The following PTH1R variants were observed in gnomAD, a reference collection of about 807,000 sequenced individuals.
The protein encoded by PTH1R is parathyroid hormone 1 receptor, also known as parathyroid hormone/parathyroid hormone-related peptide receptor.
A neutral mutation model predicts 70.7 loss-of-function variants in PTH1R; 32 were observed. That is an observed-to-expected ratio of 0.45 (90% confidence interval 0.34 to 0.61). The LOEUF is 0.61. Ranked by LOEUF, PTH1R falls within the 20% of genes least tolerant of loss-of-function variation. PTH1R has a pLI of 0.01. For missense variants in PTH1R, 626 were observed against 792.5 expected (o/e 0.79, Z 2.52); for synonymous variants, 329 against 324.8 (o/e 1.01, Z -0.14).
intron 5 of PTH1R, 87 bp from the exon 6 acceptor site, chr3:46,897,768 A>G: frequency 3.3e-6 from 4 of 1,215,874 alleles, no homozygotes; most frequent in Non-Finnish European, 3.6e-6. Flanking sequence ...AAACAAACAA[A>G]CCACAGATGT....
Position 46,882,955 on chromosome 3 carries a change from C to G in PTH1R, c.-48-557C>G, listed in dbSNP as rs913326328. On this transcript the variant is annotated intron_variant, in intron 2 of 15. Coordinates refer to ENST00000449590, the MANE Select transcript of PTH1R (RefSeq NM_000316.3). The surrounding 1 kb of genome is among the most constrained non-coding windows in gnomAD (Gnocchi z 4.3). The stretch of plus-strand genomic sequence containing the variant: ...GTGTGGCTGCAAAGTTGAGATCGCA[C>G]CCCCTAACTGCACGCCCCGCGCGGC... 6.6e-6 allele frequency among the ~76,000 whole-genome samples: 1 copy of G among 151,716 alleles called. No individual in the cohort carries two copies. The highest frequency in any genetic ancestry group is 2.4e-5 in the African/African-American group (1 of 41,306).
In PTH1R at chr3:46,902,605, G is replaced by A. The variant is rs770210358; in HGVS notation, c.1291G>A (p.Glu431Lys). 1.9e-6 allele frequency: 3 copies of A among 1,613,758 alleles called. No individual in the cohort carries two copies. The highest frequency in any genetic ancestry group is 1.7e-5 in the Admixed American group (1 of 60,000). The change falls in exon 14 of 16, where the codon GAG (glutamate) becomes AAG (lysine). Residue 431 changes from glutamate to lysine, a missense_variant. Physicochemically the swap from Glu to Lys is moderately conservative, Grantham distance 56. This residue lies in a region of PTH1R where 495 missense variants were observed against 638.7 expected (regional missense o/e 0.77). Coordinates refer to ENST00000449590, the MANE Select transcript of PTH1R (RefSeq NM_000316.3). This position sits in a 1 kb window ranked among gnomAD's most constrained non-coding sequence, Gnocchi z 5.4. ...YIVFMATPYT[E>K]VSGTLWQVQM... ...TGTCTTCATGGCCACACCATACACC[G>A]AGGTCTCAGGGACGCTCTGGCAAGT...
At position 46,897,794 on chromosome 3, in the gene PTH1R, T is replaced by C. The variant is rs2031839124; in HGVS notation, c.314-61T>C. 1.7e-5 allele frequency: 24 copies of C among 1,394,872 alleles called. No individual in the cohort carries two copies. In the South Asian group the frequency reaches 2.1e-4, roughly 12 times the overall value. The allele number at this position is 1,394,872 out of a possible 1,614,324, so 86.4% of individuals were successfully genotyped here. A position where few individuals can be genotyped will look rare whatever the true frequency, so the allele number is the denominator to read the frequency against. On this transcript the variant is annotated intron_variant, in intron 5 of 15. Transcript: ENST00000449590. ...CCACAGATGTATTCATCCTTCTGGGTCACTAATCATGGCCTTGACTCTCCC... is the reference window on the plus strand; with the variant it reads ...CCACAGATGTATTCATCCTTCTGGGCCACTAATCATGGCCTTGACTCTCCC...
In PTH1R at chr3:46,881,562, T is replaced by C. The variant is rs958695681; in HGVS notation, c.-49+444T>C. Among the ~76,000 whole-genome samples, 32 of 152,002 alleles carry C rather than the reference T, an allele frequency of 2.1e-4. No homozygotes were observed. The East Asian group carries it at 5.8e-3, about 28-fold the overall frequency. ...AAGCTGGAGAGGCCCGGCCAGCAGC[T>C]GAATGGGTCGAGACTCGGAGACCCG... is the stretch of plus-strand genomic sequence containing the variant. On this transcript the variant is annotated intron_variant, in intron 2 of 15. Coordinates refer to ENST00000449590, the MANE Select transcript of PTH1R (RefSeq NM_000316.3).
chr3:46,903,773 GAAA>G lies in PTH1R; in HGVS notation c.*125_*127del. 7.4e-7 allele frequency: 1 copy of G among 1,354,836 alleles called. No individual in the cohort carries two copies. The highest frequency in any genetic ancestry group is 2.5e-5 in the East Asian group (1 of 40,432). 83.9% of individuals were successfully genotyped at this position (1,354,836 alleles called of 1,614,324 possible). ...CCAAGAGGAAAAACAGGGAAAAAAA[GAAA>G]AAAAAAAGAAAAAGGAAAAGGAAGC... is the stretch of plus-strand genomic sequence containing the variant. On this transcript the variant is annotated 3_prime_UTR_variant, in exon 16 of 16. Coordinates refer to ENST00000449590, the MANE Select transcript of PTH1R (RefSeq NM_000316.3). The surrounding 1 kb of genome is among the most constrained non-coding windows in gnomAD (Gnocchi z 4.4).
chr3:46,898,901 C>G (rs1244761955), intron 9 of PTH1R, 44 bp downstream of exon 9: 3 of 1,377,712 alleles, frequency 2.2e-6, no homozygotes, highest in Non-Finnish European at 2.9e-6. Context: ...CGCCACTGGC[C>G]TCGTGGGGCC....
At chr3:46,897,316 G>GT (rs1483531336) in intron 5 of PTH1R, among the ~76,000 whole-genome samples, 4 of 152,260 alleles carry the variant, frequency 2.6e-5, no homozygotes, top group Admixed American at 6.5e-5. Context: ...GCCAGTACCT[G>GT]TATCGCAGAG....
rs2242117 is a variant in PTH1R, at chr3:46,893,758, C to T, written c.76-149C>T. 1.4e-3 allele frequency: 1,017 copies of T among 735,670 alleles called. 14 individuals are homozygous for T. The East Asian group carries it at 0.027, about 19-fold the overall frequency. The allele number at this position is 735,670 out of a possible 1,614,324, so 45.6% of individuals were successfully genotyped here. ...TCTGTAAGGTGTGAGCTCCATAGAG[C>T]AGATTCCCCACATGCAGGGGAAATC... On this transcript the variant is annotated intron_variant, in intron 3 of 15. Transcript: ENST00000449590. The surrounding 1 kb of genome is among the most constrained non-coding windows in gnomAD (Gnocchi z 5.2).
In PTH1R at chr3:46,893,817, G is replaced by A. The variant is rs2107010248; in HGVS notation, c.76-90G>A. 8.3e-7 allele frequency: 1 copy of A among 1,211,282 alleles called. No homozygotes were observed. The highest frequency in any genetic ancestry group is 1.2e-6 in the Non-Finnish European group (1 of 830,178). The allele number at this position is 1,211,282 out of a possible 1,614,324, so 75.0% of individuals were successfully genotyped here. On this transcript the variant is annotated intron_variant, in intron 3 of 15. Transcript: ENST00000449590. The surrounding 1 kb of genome is among the most constrained non-coding windows in gnomAD (Gnocchi z 5.2). ...CCTCTAGAGTCAGGGCCTTTTGAAAGGGGGTAGTCCCTCTGGGAAATTGGG... is the reference window on the plus strand; with the variant it reads ...CCTCTAGAGTCAGGGCCTTTTGAAAAGGGGTAGTCCCTCTGGGAAATTGGG...
Position 46,883,684 on chromosome 3 carries a change from G to T in PTH1R, c.75+50G>T. 2 of 1,541,648 alleles carry T rather than the reference G, an allele frequency of 1.3e-6. No homozygotes were observed. On this transcript the variant is annotated intron_variant, in intron 3 of 15. Coordinates refer to ENST00000449590, the MANE Select transcript of PTH1R (RefSeq NM_000316.3). The surrounding 1 kb of genome is among the most constrained non-coding windows in gnomAD (Gnocchi z 6.4). ...CGGGACAGGCTGCGGGCTTACCCTA[G>T]GGTCCGCGGGATAGGTCTAAGGCAC... is the stretch of plus-strand genomic sequence containing the variant.
rs1308204124 is a variant in PTH1R at position 46,892,749 on chromosome 3, G to A, written c.76-1158G>A. 8.1e-6 allele frequency: 8 copies of A among 985,518 alleles called. No individual in the cohort carries two copies. The highest frequency in any genetic ancestry group is 6.1e-5 in the Admixed American group (1 of 16,274). The allele number at this position is 985,518 out of a possible 1,614,324, so 61.0% of individuals were successfully genotyped here. A position where few individuals can be genotyped will look rare whatever the true frequency, so the allele number is the denominator to read the frequency against. On this transcript the variant is annotated intron_variant, in intron 3 of 15. Transcript: ENST00000449590. This position sits in a 1 kb window ranked among gnomAD's most constrained non-coding sequence, Gnocchi z 5.2. ...AGCCATGCTCGGACTGCAGGGCCCC[G>A]GCCCCGCCTTGGCGCGTCTGAAGGA...
At chr3:46,880,995 T>G (rs2030523578) in intron 1 of PTH1R, 67 bp from the exon 2 acceptor site, 1 of 152,216 alleles carries the variant, frequency 6.6e-6, no homozygotes, top group Non-Finnish European at 1.5e-5. Flanking sequence ...ATGCCCACCC[T>G]CGTGGAAACT....
chr3:46,898,510 G>A (rs2031900314), intron 8 of PTH1R, 38 bp downstream of exon 8: 1 of 1,605,402 alleles, frequency 6.2e-7, no homozygotes, highest in Non-Finnish European at 8.5e-7. Context: ...GGACATGGTG[G>A]AGGGGGGGCG....
chr3:46,898,007 G>C, intron 6 of PTH1R, 42 bp downstream of exon 6: 1 of 1,613,506 alleles, frequency 6.2e-7, no homozygotes, highest in Non-Finnish European at 8.5e-7. Context: ...AGGAGGCTGA[G>C]ACTTGGAGCT....
chr3:46,889,858 A>G (rs1194117675), intron 3 of PTH1R, among the ~76,000 whole-genome samples: 1 of 152,136 alleles, frequency 6.6e-6, no homozygotes, highest in East Asian at 1.9e-4. Flanking sequence ...GCTGGATCTA[A>G]GGGGACGCAA....
chr3:46,895,929 C>T, intron 5 of PTH1R, 60 bp downstream of exon 5: 5 of 1,574,252 alleles, frequency 3.2e-6, no homozygotes, highest in Non-Finnish European at 4.3e-6. Flanking sequence ...ACCCCCATTG[C>T]ACTGTCCCTC....
chr3:46,898,532 C>A, intron 8 of PTH1R, 60 bp downstream of exon 8: 1 of 1,602,682 alleles, frequency 6.2e-7, no homozygotes. Context: ...TGGCCGAGGT[C>A]TGATGCGACC....
chr3:46,896,424 G>A lies in PTH1R; in HGVS notation c.313+555G>A, dbSNP rs1239012142. ...GGCCAGAGGCAGTGGGACAAGGAGG[G>A]GAGAAGAGAAGGGAGGGAAGCAGAT... On this transcript the variant is annotated intron_variant, in intron 5 of 15. Transcript: ENST00000449590. The surrounding 1 kb of genome is among the most constrained non-coding windows in gnomAD (Gnocchi z 4.1). Among the ~76,000 whole-genome samples the A allele has an allele frequency of 1.3e-5, 2 of 152,190 alleles. No individual in the cohort carries two copies. The highest frequency in any genetic ancestry group is 2.9e-5 in the Non-Finnish European group (2 of 68,026).
intron 1 of PTH1R, chr3:46,880,206 GT>G (rs1175551040): frequency 6.6e-6 from 1 of 152,286 alleles, no homozygotes. Context: ...AACGGAGGAT[GT>G]GGGCACACAA....
Sources: gnomAD v4.1 joint callset for allele counts (sites outside exome capture counted in the v4.1 genomes callset) on GRCh38, gnomAD v4.1.1 for gene constraint, gnomAD v4.1.1 regional missense constraint, Gnocchi (gnomAD v3.1) non-coding constraint, MANE v1.5 for transcripts, NCBI Gene and HGNC (gene_info 2026-07-23, HGNC 2026-07-21) for gene names.